The following PABPC4L variants were observed in gnomAD, a reference collection of about 807,000 sequenced individuals.
The protein encoded by PABPC4L is polyadenylate-binding protein 4-like.
For synonymous variants in PABPC4L, 169 were observed against 164.1 expected (o/e 1.03, Z -0.23); for missense variants, 452 against 451.4 (o/e 1.00, Z -0.01).
chr4:134,121,582 T>C, the PABPC4L span, among the ~76,000 whole-genome samples: 1 of 151,760 alleles, frequency 6.6e-6, no homozygotes. Flanking sequence ...CTCAATTAAA[T>C]ACCTGAGATG....
chr4:134,042,443 A>AT, the PABPC4L span, among the ~76,000 whole-genome samples: 1 of 152,196 alleles, frequency 6.6e-6, no homozygotes, highest in Non-Finnish European at 1.5e-5. Context: ...AAAGCTATTA[A>AT]TTTTTTAAAA....
At chr4:134,125,550 GT>G in the PABPC4L span, among the ~76,000 whole-genome samples, 1 of 152,036 alleles carries the variant, frequency 6.6e-6, no homozygotes, top group Non-Finnish European at 1.5e-5. Context: ...GGATACTGCA[GT>G]TTATGGTGAA....
chr4:134,106,239 T>C, the PABPC4L span, among the ~76,000 whole-genome samples: 1 of 151,688 alleles, frequency 6.6e-6, no homozygotes, highest in African/African-American at 2.4e-5. Context: ...CTCCTGGTGC[T>C]TTCCCAATTG....
chr4:134,079,890 T>C, the PABPC4L span, among the ~76,000 whole-genome samples: 1 of 152,042 alleles, frequency 6.6e-6, no homozygotes, highest in Non-Finnish European at 1.5e-5. Flanking sequence ...GTGACAGGTC[T>C]TCAGAAAACT....
the PABPC4L span, among the ~76,000 whole-genome samples, chr4:134,183,873 C>CA: frequency 6.6e-6 from 1 of 151,088 alleles, no homozygotes. Context: ...TTAAATGTAT[C>CA]AAAAAAAGCC....
the PABPC4L span, among the ~76,000 whole-genome samples, chr4:134,013,821 C>T: frequency 6.6e-6 from 1 of 151,998 alleles, no homozygotes; most frequent in Non-Finnish European, 1.5e-5. Context: ...CTGACCTCTC[C>T]CCTCCTCACC....
the PABPC4L span, among the ~76,000 whole-genome samples, chr4:134,035,854 T>A: frequency 6.6e-6 from 1 of 152,094 alleles, no homozygotes; most frequent in Non-Finnish European, 1.5e-5. Flanking sequence ...ATTTTATATC[T>A]CCTCCTCTAA....
chr4:133,958,598 G>T, the PABPC4L span, among the ~76,000 whole-genome samples: 1 of 152,078 alleles, frequency 6.6e-6, no homozygotes. Flanking sequence ...AATTTGTAAA[G>T]AAAAAAGGCT....
chr4:133,968,704 A>C, the PABPC4L span, among the ~76,000 whole-genome samples: 3 of 152,190 alleles, frequency 2.0e-5, no homozygotes, highest in Admixed American at 6.5e-5. Flanking sequence ...AAAAAAAGAA[A>C]AAAATAATAC....
the PABPC4L span, among the ~76,000 whole-genome samples, chr4:133,996,327 A>G: frequency 2.7e-4 from 41 of 152,046 alleles, no homozygotes; most frequent in East Asian, 8.0e-3. Flanking sequence ...ATTTCTCCCC[A>G]CTTGTTCCCA....
At chr4:134,057,568 C>A in the PABPC4L span, among the ~76,000 whole-genome samples, 1 of 152,172 alleles carries the variant, frequency 6.6e-6, no homozygotes, top group African/African-American at 2.4e-5. Context: ...TATTACTGCT[C>A]ATTGAAGATG....
chr4:134,161,088 T>C, the PABPC4L span, among the ~76,000 whole-genome samples: 192 of 151,872 alleles, frequency 1.3e-3, no homozygotes, highest in Non-Finnish European at 2.4e-3. Context: ...AACAAAGAGA[T>C]TGAAATATTT....
chr4:134,019,549 A>G, the PABPC4L span, among the ~76,000 whole-genome samples: 2 of 152,182 alleles, frequency 1.3e-5, no homozygotes, highest in Admixed American at 1.3e-4. Flanking sequence ...CTTAAATGAC[A>G]ATCGGTAGCT....
the PABPC4L span, among the ~76,000 whole-genome samples, chr4:133,986,599 A>G: frequency 6.6e-5 from 10 of 152,318 alleles, no homozygotes; most frequent in East Asian, 1.9e-3. Context: ...CAAAACCTCA[A>G]CATACTAATA....
chr4:134,065,678 A>G, the PABPC4L span, among the ~76,000 whole-genome samples: 1 of 151,940 alleles, frequency 6.6e-6, no homozygotes, highest in African/African-American at 2.4e-5. Flanking sequence ...CATTTTTATC[A>G]TGAAATCTTT....
At chr4:134,163,548 A>T in the PABPC4L span, among the ~76,000 whole-genome samples, 1 of 152,146 alleles carries the variant, frequency 6.6e-6, no homozygotes, top group Non-Finnish European at 1.5e-5. Flanking sequence ...AGAACATAAA[A>T]AAAGAAAACT....
chr4:133,968,054 A>T, the PABPC4L span, among the ~76,000 whole-genome samples: 1 of 152,222 alleles, frequency 6.6e-6, no homozygotes, highest in Non-Finnish European at 1.5e-5. Flanking sequence ...GGAATAAATG[A>T]CATCCTACTA....
chr4:134,099,518 A>G, the PABPC4L span, among the ~76,000 whole-genome samples: 1 of 151,802 alleles, frequency 6.6e-6, no homozygotes, highest in Admixed American at 6.6e-5. Flanking sequence ...TCCAGATGAT[A>G]CAAAAACATA....
At chr4:134,160,084 G>T in the PABPC4L span, among the ~76,000 whole-genome samples, 1 of 152,202 alleles carries the variant, frequency 6.6e-6, no homozygotes, top group Non-Finnish European at 1.5e-5. Flanking sequence ...TGCTTAAAGT[G>T]ATCCAGGACC....
Sources: gnomAD v4.1 joint callset for allele counts (sites outside exome capture counted in the v4.1 genomes callset) on GRCh38, gnomAD v4.1.1 for gene constraint, MANE v1.5 for transcripts, NCBI Gene and HGNC (gene_info 2026-07-23, HGNC 2026-07-21) for gene names.